Variants in FBN3 observed in about 807,000 individuals in gnomAD.
The protein encoded by FBN3 is fibrillin 3, also known as fibrillin-3.
A neutral mutation model predicts 330.1 loss-of-function variants in FBN3; 234 were observed. That is an observed-to-expected ratio of 0.71 (90% CI 0.64 to 0.79). FBN3 has a LOEUF of 0.79. FBN3 is among the 30% of genes least tolerant of loss of function. The pLI is 0.00. For synonymous variants in FBN3, 1,458 were observed against 1,517.3 expected (o/e 0.96, Z 0.91); for missense variants, 3,606 against 3,886.9 (o/e 0.93, Z 1.92).
In FBN3 at chr19:8,143,255, C is replaced by T. The variant is rs570249899; in HGVS notation, c.542-1118G>A. ...GTCCCCATGGATGGGGCAGCCCACG[C>T]CGCCATCTCAGCCCCAGGCCTGAGT... is the stretch of plus-strand genomic sequence containing the variant. On this transcript the variant is annotated intron_variant, in intron 6 of 63. Transcript: ENST00000600128. Among the ~76,000 whole-genome samples, 7 of 152,270 alleles carry T rather than the reference C, an allele frequency of 4.6e-5. No individual in the cohort carries two copies. In the South Asian group the frequency reaches 1.5e-3, roughly 32 times the overall value.
intron 63 of FBN3, 130 bp from the exon 64 acceptor site, chr19:8,066,390 A>G (rs2081391268): frequency 1.4e-6 from 1 of 708,542 alleles, no homozygotes; most frequent in Non-Finnish European, 2.3e-6. Context: ...GAGCCATAAA[A>G]AGGAATGAAA....
At chr19:8,124,177 T>C (rs2082924055) in intron 22 of FBN3, among the ~76,000 whole-genome samples, 169 bp from the exon 23 acceptor site, 1 of 152,204 alleles carries the variant, frequency 6.6e-6, no homozygotes, top group Non-Finnish European at 1.5e-5. Flanking sequence ...GAGGGTACTA[T>C]GTGTACTGTT....
intron 13 of FBN3, 25 bp downstream of exon 13, chr19:8,135,936 G>GGGGGGGGGCCCCCCCCCCCC: frequency 1.5e-6 from 1 of 668,772 alleles, no homozygotes; most frequent in African/African-American, 2.0e-5. Context: ...GGAAGCCCCT[G>GGGGGGGGGCCCCCCCCCCCC]CCCACCCGCC....
In FBN3 at chr19:8,126,133, G is replaced by A. The variant is rs73505693; in HGVS notation, c.2606-116C>T. 5,712 of 1,493,648 alleles carry A rather than the reference G, an allele frequency of 3.8e-3. 196 individuals are homozygous for A. The African/African-American group carries it at 0.07, about 18-fold the overall frequency. The allele number at this position is 1,493,648 out of a possible 1,614,324, so 92.5% of individuals were successfully genotyped here. ...GGAAGGAAGGGGACGGGGACACGGG[G>A]ACTGGGGACTTTCAAGAAGGCCTGG... On this transcript the variant is annotated intron_variant, in intron 21 of 63. Transcript: ENST00000600128.
chr19:8,145,917 C>G lies in FBN3; in HGVS notation c.371G>C (p.Cys124Ser). The change falls in exon 5 of 64, where the codon TGT becomes TCT. Residue 124 changes from cysteine (C) to serine (S), a missense_variant. Physicochemically the swap from Cys to Ser is moderately radical, Grantham distance 112. Coordinates refer to ENST00000600128, the MANE Select transcript of FBN3 (RefSeq NM_032447.5). ...CCCCCGGCAGGTGCCCCCATTCATA[C>G]AGCTCACACTGCACCCTGACCCTGG... is the stretch of plus-strand genomic sequence containing the variant. ...VSRGSGCSVS[C>S]MNGGTCRGAS... 6.4e-7 allele frequency: 1 copy of G among 1,551,322 alleles called. No homozygotes were observed. Among genetic ancestry groups the G allele is most frequent in the South Asian group, 1.2e-5 (1 of 84,070 alleles).
At chr19:8,137,034 C>T (rs1356011773) in intron 10 of FBN3, among the ~76,000 whole-genome samples, 15 of 100,018 alleles carry the variant, frequency 1.5e-4, no homozygotes, top group Non-Finnish European at 2.1e-4. Flanking sequence ...TCCAAACTGG[C>T]ACCTCGATCC....
rs754932768 is a variant in FBN3 at position 8,095,409 on chromosome 19, G to T, written c.5751C>A (p.Gly1917=). Residue 1917 remains glycine, a synonymous_variant, in exon 46 of 64, where the codon GGC becomes GGA. Transcript: ENST00000600128. Reference sequence around the variant, plus strand: ...TCTTCCCATCAGCTGTGAGCTCAAAGCCATCCTGGCAGAGGCAGTGGAAGG... The same window carrying T: ...TCTTCCCATCAGCTGTGAGCTCAAATCCATCCTGGCAGAGGCAGTGGAAGG... ...AGSFHCLCQD[G]FELTADGKNC... 6.2e-7 allele frequency: 1 copy of T among 1,613,508 alleles called. No individual in the cohort carries two copies. The highest frequency in any genetic ancestry group is 1.1e-5 in the South Asian group (1 of 91,052).
chr19:8,105,091 A>G (rs540939699), intron 38 of FBN3, among the ~76,000 whole-genome samples: 1 of 151,756 alleles, frequency 6.6e-6, no homozygotes, highest in African/African-American at 2.4e-5. Flanking sequence ...AGTAGCTGGG[A>G]CTATAGGCAT....
At chr19:8,086,995 C>T (rs1432806067) in intron 54 of FBN3, 82 bp downstream of exon 54, 23 of 1,508,668 alleles carry the variant, frequency 1.5e-5, no homozygotes, top group South Asian at 7.4e-5. Flanking sequence ...TATGAGTCAC[C>T]GTGCCCGGTC....
rs1364828629 is a variant in FBN3 at position 8,081,056 on chromosome 19, G to C, written c.7400C>G (p.Ala2467Gly). 1.2e-6 allele frequency: 2 copies of C among 1,613,564 alleles called. No individual in the cohort carries two copies. Among genetic ancestry groups the C allele is most frequent in the Non-Finnish European group, 1.7e-6 (2 of 1,179,956 alleles). ...GCCGGGCGGACAGCGGCAGGTGAAG[G>C]CGCCCACAGTGTTGACACAGAGGAA... ...CQFLCVNTVG[A>G]FTCRCPPGFT... Residue 2467 changes from alanine to glycine, a missense_variant, in exon 59 of 64, where the codon GCC becomes GGC. Transcript: ENST00000600128.
intron 46 of FBN3, 142 bp from the exon 47 acceptor site, chr19:8,094,707 C>A (rs1450089470): frequency 2.2e-6 from 2 of 899,816 alleles, no homozygotes; most frequent in East Asian, 5.5e-5. Flanking sequence ...GGCTCCAGGG[C>A]AAGGGCTGAG....
chr19:8,100,862 G>T (rs749437929), intron 41 of FBN3, 39 bp downstream of exon 41: 75 of 1,559,738 alleles, frequency 4.8e-5, no homozygotes, highest in Non-Finnish European at 6.5e-5. Context: ...GACCCAGGTG[G>T]ATGGGTGCCC....
rs1246537539 is a variant in FBN3, at chr19:8,129,441, G to A, written c.2045-76C>T. On this transcript the variant is annotated intron_variant, in intron 16 of 63. Coordinates refer to ENST00000600128, the MANE Select transcript of FBN3 (RefSeq NM_032447.5). The surrounding 1 kb of genome is among the most constrained non-coding windows in gnomAD (Gnocchi z 4.5). ...AGGCAGGAGGAGGGTGTGTCGCGGC[G>A]CACCAGGGGTCTCTAGAAGTCAGAT... 17 of 1,560,646 alleles carry A rather than the reference G, an allele frequency of 1.1e-5. No individual in the cohort carries two copies. Among genetic ancestry groups the A allele is most frequent in the Non-Finnish European group, 1.4e-5 (16 of 1,145,668 alleles).
At chr19:8,139,259 A>G (rs2083359340) in intron 8 of FBN3, among the ~76,000 whole-genome samples, 1 of 152,154 alleles carries the variant, frequency 6.6e-6, no homozygotes, top group South Asian at 2.1e-4. Context: ...AGGCAGGAGA[A>G]TCACTTCAAC....
intron 63 of FBN3, 27 bp from the exon 64 acceptor site, chr19:8,066,287 C>T: frequency 6.8e-7 from 1 of 1,480,736 alleles, no homozygotes. Flanking sequence ...GGTGTGTGGT[C>T]AGAGCCCAGG....
At position 8,085,471 on chromosome 19, in the gene FBN3, C is replaced by T. The variant is rs781191633; in HGVS notation, c.6979G>A (p.Gly2327Arg). Residue 2327 changes from glycine (G) to arginine (R), a missense_variant, in exon 56 of 64, where the codon GGG becomes AGG. Coordinates refer to ENST00000600128, the MANE Select transcript of FBN3 (RefSeq NM_032447.5). ...EAVTRAECCC[G>R]GGRGWGPRCE... ...CGGGGCCCCCAGCCCCGGCCACCCC[C>T]ACAGCAGCACTCGGCCCTGGTGACA... The T allele has an allele frequency of 2.5e-6, 4 of 1,586,706 alleles. No homozygotes were observed. Among genetic ancestry groups the T allele is most frequent in the East Asian group, 2.3e-5 (1 of 43,592 alleles).
intron 63 of FBN3, 111 bp downstream of exon 63, chr19:8,071,937 A>G: frequency 9.0e-7 from 1 of 1,108,122 alleles, no homozygotes; most frequent in Non-Finnish European, 1.3e-6. Context: ...TGGGATCTGG[A>G]GCCTGGTGCT....
At chr19:8,146,635 C>G (rs2083552804) in intron 3 of FBN3, among the ~76,000 whole-genome samples, 1 of 150,974 alleles carries the variant, frequency 6.6e-6, no homozygotes, top group Non-Finnish European at 1.5e-5. Flanking sequence ...CTCAGAGAAA[C>G]AGAGAGAGAG....
intron 10 of FBN3, 89 bp from the exon 11 acceptor site, chr19:8,136,620 C>A: frequency 3.2e-6 from 5 of 1,549,064 alleles, no homozygotes; most frequent in Non-Finnish European, 4.4e-6. Context: ...GCCCAGATAC[C>A]CCCTCTAAGG....
Sources: allele counts gnomAD v4.1 joint callset (sites outside exome capture counted in the v4.1 genomes callset), GRCh38; gene constraint gnomAD v4.1.1; non-coding constraint Gnocchi (gnomAD v3.1); transcripts MANE v1.5; gene names NCBI Gene and HGNC (gene_info 2026-07-23, HGNC 2026-07-21).